The following MDGA2 variants were observed in gnomAD, a reference collection of about 807,000 sequenced individuals.
MDGA2 encodes the protein MAM domain containing glycosylphosphatidylinositol anchor 2, also known as MAM domain-containing glycosylphosphatidylinositol anchor protein 2.
A neutral mutation model predicts 117.8 loss-of-function variants in MDGA2; 40 were observed. The ratio of observed to expected loss-of-function variants is 0.34; its 90% CI spans 0.26 to 0.44. MDGA2 has a LOEUF of 0.44. Ranked by LOEUF, MDGA2 falls within the 20% of genes least tolerant of loss-of-function variation. MDGA2 has a pLI of 1.00. For missense variants in MDGA2, 1,123 were observed against 1,250.6 expected (o/e 0.90, Z 1.54); for synonymous variants, 452 against 439.0 (o/e 1.03, Z -0.37).
chr14:47,319,408 C>T (rs1889910640), intron 1 of MDGA2, among the ~76,000 whole-genome samples: 1 of 152,098 alleles, frequency 6.6e-6, no homozygotes, highest in African/African-American at 2.4e-5. Context: ...CATTTCTAGA[C>T]CTTTATTCAT....
intron 6 of MDGA2, among the ~76,000 whole-genome samples, chr14:47,069,829 C>G (rs1443120446): frequency 6.6e-6 from 1 of 151,898 alleles, no homozygotes; most frequent in Non-Finnish European, 1.5e-5. Context: ...CACTACAGAC[C>G]AAATAAAATA....
rs533570493 is a variant in MDGA2 at position 47,061,485 on chromosome 14, A to G, written c.1289T>C (p.Val430Ala). The G allele has an allele frequency of 2.2e-4, 352 of 1,613,510 alleles. 1 individual carries two copies. The South Asian group carries it at 3.6e-3, about 17-fold the overall frequency. ...TAGCTCCTCAGAAGGAACAGCTTCTACTTGGCAAGATATTTTCACCTCACG... is the reference window on the plus strand; with the variant it reads ...TAGCTCCTCAGAAGGAACAGCTTCTGCTTGGCAAGATATTTTCACCTCACG... The part of the protein sequence containing the change: ...IGREVKISCQ[V>A]EAVPSEELTF... Residue 430 changes from valine (V) to alanine (A), a missense_variant, in exon 7 of 17, where the codon GTA (valine) becomes GCA (alanine). Coordinates refer to ENST00000399232, the MANE Select transcript of MDGA2 (RefSeq NM_001113498.3).
chr14:47,282,345 T>C (rs1435325965), intron 2 of MDGA2, among the ~76,000 whole-genome samples: 3 of 152,076 alleles, frequency 2.0e-5, no homozygotes, highest in Non-Finnish European at 2.9e-5. Flanking sequence ...CCTGAAGAGC[T>C]AGAAATTCCC....
chr14:47,575,524 A>G (rs1896100031), intron 1 of MDGA2, among the ~76,000 whole-genome samples: 1 of 152,210 alleles, frequency 6.6e-6, no homozygotes, highest in South Asian at 2.1e-4. Flanking sequence ...CTGGCCGAAC[A>G]TGCTGACTAT....
rs866658345 is a variant in MDGA2 at position 47,173,318 on chromosome 14, A to G, written c.596-29044T>C. Among the ~76,000 whole-genome samples the G allele has an allele frequency of 9.5e-4, 145 of 152,192 alleles. No homozygotes were observed. The East Asian group carries it at 0.013, about 14-fold the overall frequency. On this transcript the variant is annotated intron_variant, in intron 3 of 16. Transcript: ENST00000399232. The stretch of plus-strand genomic sequence containing the variant: ...AGAGAACGCCACAAAGATACTCCTC[A>G]AGAAGAGCAACTCCAAGACACATAA...
At chr14:47,594,321 C>A (rs906043558) in intron 1 of MDGA2, among the ~76,000 whole-genome samples, 2 of 152,144 alleles carry the variant, frequency 1.3e-5, no homozygotes, top group Non-Finnish European at 2.9e-5. Flanking sequence ...TTCTCCCATA[C>A]ATTTATAATA....
At chr14:47,599,486 C>T (rs1245090688) in intron 1 of MDGA2, among the ~76,000 whole-genome samples, 1 of 152,060 alleles carries the variant, frequency 6.6e-6, no homozygotes, top group East Asian at 1.9e-4. Flanking sequence ...GTAGCACTTG[C>T]TTAGAATAAG....
At position 47,305,963 on chromosome 14, in the gene MDGA2, CAG is replaced by C. The variant is rs531503828; in HGVS notation, c.281-4415_281-4414del. Reference sequence around the variant, plus strand: ...GGAAGGAGATTTCAGAGAGAGAAAACAGTGTGCTCAAAGGCAAATCTGAAATA... The same window carrying C: ...GGAAGGAGATTTCAGAGAGAGAAAACTGTGCTCAAAGGCAAATCTGAAATA... On this transcript the variant is annotated intron_variant, in intron 1 of 16. Coordinates refer to ENST00000399232, the MANE Select transcript of MDGA2 (RefSeq NM_001113498.3). The C allele has an allele frequency of 2.0e-3, 297 of 152,266 alleles. 2 individuals carry two copies. The highest frequency in any genetic ancestry group is 6.7e-3 in the African/African-American group (279 of 41,558). The allele number at this position is 152,266 out of a possible 1,614,324, so 9.4% of individuals were successfully genotyped here.
chr14:47,177,261 G>GA (rs1884501145), intron 3 of MDGA2, among the ~76,000 whole-genome samples: 1 of 151,880 alleles, frequency 6.6e-6, no homozygotes. Flanking sequence ...CAGGGATCTA[G>GA]AACTAGAAAT....
intron 16 of MDGA2, among the ~76,000 whole-genome samples, chr14:46,843,085 A>AG (rs1413332841): frequency 6.6e-6 from 1 of 150,686 alleles, no homozygotes; most frequent in Non-Finnish European, 1.5e-5. Flanking sequence ...CAATACATAC[A>AG]GGGGGTGTTT....
intron 16 of MDGA2, 81 bp from the exon 17 acceptor site, chr14:46,842,100 AT>A: frequency 1.3e-6 from 1 of 790,470 alleles, no homozygotes; most frequent in South Asian, 1.8e-5. Flanking sequence ...ACCTTGGTGA[AT>A]AATAAAACAA....
intron 14 of MDGA2, among the ~76,000 whole-genome samples, chr14:46,866,412 A>G (rs1352251781): frequency 2.0e-5 from 3 of 152,188 alleles, no homozygotes; most frequent in Non-Finnish European, 4.4e-5. Flanking sequence ...TAAAGACTTA[A>G]ACGTTAGACC....
chr14:47,119,026 G>A (rs1047669181), intron 5 of MDGA2, among the ~76,000 whole-genome samples: 1 of 150,850 alleles, frequency 6.6e-6, no homozygotes, highest in Admixed American at 6.6e-5. Flanking sequence ...ACAGGTGTGA[G>A]CCACCATGTC....
At chr14:47,230,630 G>A (rs746401224) in intron 2 of MDGA2, among the ~76,000 whole-genome samples, 1 of 151,792 alleles carries the variant, frequency 6.6e-6, no homozygotes, top group Non-Finnish European at 1.5e-5. Flanking sequence ...ATATTTGAAC[G>A]ACTTTTAGAA....
At chr14:47,421,426 G>C (rs1892576528) in intron 1 of MDGA2, among the ~76,000 whole-genome samples, 1 of 152,090 alleles carries the variant, frequency 6.6e-6, no homozygotes, top group Non-Finnish European at 1.5e-5. Flanking sequence ...CATGTTTTCA[G>C]AAAAAGATGG....
At chr14:47,629,088 A>G (rs1897206867) in intron 1 of MDGA2, among the ~76,000 whole-genome samples, 1 of 152,028 alleles carries the variant, frequency 6.6e-6, no homozygotes, top group Admixed American at 6.6e-5. Flanking sequence ...CTGCATGCTA[A>G]CCTCCATCTC....
At chr14:47,112,302 G>C (rs1263185537) in intron 5 of MDGA2, among the ~76,000 whole-genome samples, 3 of 152,126 alleles carry the variant, frequency 2.0e-5, no homozygotes, top group Non-Finnish European at 4.4e-5. Context: ...TGTTACATAG[G>C]TAAACGTGTG....
intron 1 of MDGA2, among the ~76,000 whole-genome samples, chr14:47,338,869 A>G (rs921244973): frequency 6.6e-6 from 1 of 152,142 alleles, no homozygotes; most frequent in Non-Finnish European, 1.5e-5. Flanking sequence ...ACTTGATGTT[A>G]AGCAACATTA....
intron 10 of MDGA2, among the ~76,000 whole-genome samples, chr14:46,894,330 C>T (rs1439941749): frequency 6.6e-6 from 1 of 152,046 alleles, no homozygotes; most frequent in Admixed American, 6.6e-5. Flanking sequence ...TCACTATTCT[C>T]CATTTCTTCT....
Sources: allele counts gnomAD v4.1 joint callset (sites outside exome capture counted in the v4.1 genomes callset), GRCh38; gene constraint gnomAD v4.1.1; transcripts MANE v1.5; gene names NCBI Gene and HGNC (gene_info 2026-07-23, HGNC 2026-07-21).